Variants in PRKACB observed in about 807,000 individuals in gnomAD.
PRKACB encodes cAMP-dependent protein kinase catalytic subunit beta.
Under a neutral mutation model 51.4 loss-of-function variants are expected in PRKACB, and 16 were observed. That is an observed-to-expected ratio of 0.31 (90% confidence interval 0.21 to 0.47). The LOEUF (loss-of-function observed/expected upper bound fraction) is 0.47. PRKACB is among the 20% of genes least tolerant of loss of function. The pLI, the probability that PRKACB is intolerant of heterozygous loss-of-function variation, is 1.00. For missense variants in PRKACB, 309 were observed against 464.5 expected (o/e 0.67, Z 3.08); for synonymous variants, 147 against 154.4 (o/e 0.95, Z 0.35).
chr1:84,106,460 C>G (rs1016029963), intron 1 of PRKACB, among the ~76,000 whole-genome samples: 1 of 152,132 alleles, frequency 6.6e-6, no homozygotes, highest in Non-Finnish European at 1.5e-5. Context: ...TATACACTAA[C>G]AGCACCCAAG....
rs1491567127 is a variant in PRKACB, at chr1:84,223,376, TTG to T, written c.1071+9061_1071+9062del. 1.6e-3 allele frequency among the ~76,000 whole-genome samples: 96 copies of T among 60,430 alleles called. 6 individuals are homozygous for T. The highest frequency in any genetic ancestry group is 6.6e-3 in the Middle Eastern group (1 of 152). The allele number at this position is 60,430 out of a possible 152,430, so 39.6% of individuals were successfully genotyped here. A position where few individuals can be genotyped will look rare whatever the true frequency, so the allele number is the denominator to read the frequency against. On this transcript the variant is annotated intron_variant, in intron 9 of 9. Transcript: ENST00000370685. The stretch of plus-strand genomic sequence containing the variant: ...TGTTTGGTTGTTTTTTTTTGTTTTT[TTG>T]TTTTTTTTGAAATGGTGTCTCGCTC...
intron 3 of PRKACB, among the ~76,000 whole-genome samples, 170 bp from the exon 4 acceptor site, chr1:84,183,867 C>T (rs1341444716): frequency 6.6e-6 from 1 of 151,650 alleles, no homozygotes; most frequent in Non-Finnish European, 1.5e-5. Flanking sequence ...TGGCAAAAAC[C>T]GCAATTACTT....
At chr1:84,216,596 T>G (rs1672919194) in intron 9 of PRKACB, among the ~76,000 whole-genome samples, 1 of 152,136 alleles carries the variant, frequency 6.6e-6, no homozygotes, top group Non-Finnish European at 1.5e-5. Flanking sequence ...AAACTTTATT[T>G]TTTATATTTT....
intron 1 of PRKACB, among the ~76,000 whole-genome samples, chr1:84,105,972 A>G (rs1434456549): frequency 2.9e-5 from 4 of 139,084 alleles, no homozygotes; most frequent in Non-Finnish European, 6.4e-5. Context: ...TTGAATCAAC[A>G]AAACAATAAT....
intron 8 of PRKACB, chr1:84,204,404 G>A: frequency 9.0e-7 from 1 of 1,107,922 alleles, no homozygotes; most frequent in Non-Finnish European, 1.4e-6. Flanking sequence ...ACAAGTATCA[G>A]TATCACTGCT....
intron 1 of PRKACB, among the ~76,000 whole-genome samples, chr1:84,165,616 C>T (rs1260227475): frequency 6.6e-6 from 1 of 151,610 alleles, no homozygotes; most frequent in Non-Finnish European, 1.5e-5. Flanking sequence ...AATAAGTACA[C>T]TTGTGACAAC....
At position 84,204,711 on chromosome 1, in the gene PRKACB, G is replaced by C; in HGVS notation, c.906+1906G>C. On this transcript the variant is annotated intron_variant, in intron 8 of 9. Transcript: ENST00000370685. ...ATTGTTTCAAATCATTTAATTGACAGTAATTATAAAGTTCTTGAATCTTTA... is the reference window on the plus strand; with the variant it reads ...ATTGTTTCAAATCATTTAATTGACACTAATTATAAAGTTCTTGAATCTTTA... The C allele has an allele frequency of 2.1e-6, 2 of 962,430 alleles. 1 individual carries two copies. 59.6% of individuals were successfully genotyped at this position (962,430 alleles called of 1,614,324 possible).
At position 84,214,167 on chromosome 1, in the gene PRKACB, C is replaced by A; in HGVS notation, c.921C>A (p.Ser307=). 1.2e-6 allele frequency: 2 copies of A among 1,610,384 alleles called. No individual in the cohort carries two copies. The highest frequency in any genetic ancestry group is 8.5e-7 in the Non-Finnish European group (1 of 1,178,672). ...KIVSGKVRFP[S]HFSSDLKDLL... Reference sequence around the variant, plus strand: ...TGTTTGTGTAGGTCCGATTCCCATCCCACTTCAGTTCAGATCTCAAGGACC... The same window carrying A: ...TGTTTGTGTAGGTCCGATTCCCATCACACTTCAGTTCAGATCTCAAGGACC... The change falls in exon 9 of 10, where the codon TCC becomes TCA. Residue 307 remains serine (S), a synonymous_variant. Transcript: ENST00000370685.
chr1:84,090,770 TTC>T (rs1171743604), intron 1 of PRKACB, among the ~76,000 whole-genome samples: 3 of 152,144 alleles, frequency 2.0e-5, no homozygotes, highest in African/African-American at 7.2e-5. Context: ...TTCAGCTGCA[TTC>T]TGTTTGTTAA....
intron 9 of PRKACB, among the ~76,000 whole-genome samples, chr1:84,232,590 G>T (rs376617003): frequency 6.6e-6 from 1 of 152,056 alleles, no homozygotes; most frequent in Non-Finnish European, 1.5e-5. Context: ...ATGAATCTGG[G>T]TGCTCCTGTA....
intron 7 of PRKACB, among the ~76,000 whole-genome samples, chr1:84,199,971 A>G (rs181451018): frequency 1.3e-5 from 2 of 152,046 alleles, no homozygotes. Context: ...TCAGGCTCCC[A>G]AGTAGCTGGG....
chr1:84,086,062 A>T lies in PRKACB; in HGVS notation c.46+7691A>T, dbSNP rs532298878. On this transcript the variant is annotated intron_variant, in intron 1 of 8. Transcript: ENST00000370688. ...AGATGGTGGTCAAGCAGCATAGGAAAGTGCTGATGGCCAAGGTGTATATTG... is the reference window on the plus strand; with the variant it reads ...AGATGGTGGTCAAGCAGCATAGGAATGTGCTGATGGCCAAGGTGTATATTG... 9.3e-6 allele frequency: 10 copies of T among 1,072,944 alleles called. No homozygotes were observed. In the East Asian group the frequency reaches 1.9e-4, roughly 20 times the overall value. 66.5% of individuals were successfully genotyped at this position (1,072,944 alleles called of 1,614,324 possible).
At chr1:84,136,228 T>A (rs956299076) in intron 1 of PRKACB, among the ~76,000 whole-genome samples, 3 of 151,948 alleles carry the variant, frequency 2.0e-5, no homozygotes, top group African/African-American at 7.2e-5. Context: ...AAAAATTGAA[T>A]CGATTATTTA....
chr1:84,151,738 G>C (rs1020274013), intron 1 of PRKACB, among the ~76,000 whole-genome samples: 1 of 152,194 alleles, frequency 6.6e-6, no homozygotes, highest in Non-Finnish European at 1.5e-5. Flanking sequence ...TTTATCAGGA[G>C]ATTGCAGCAA....
intron 1 of PRKACB, among the ~76,000 whole-genome samples, chr1:84,115,531 A>G (rs1232360718): frequency 4.0e-5 from 6 of 151,324 alleles, no homozygotes; most frequent in Non-Finnish European, 8.8e-5. Flanking sequence ...TAGTTTAATT[A>G]AGTTTCATTT....
In PRKACB at chr1:84,237,815, G is replaced by A. The variant is rs1676787925; in HGVS notation, c.*2510G>A. ...ATTGTGTAAGAAGGAGCCCTAGACT[G>A]AAAGTCAAGACATCTGAATTTCAGG... is the stretch of plus-strand genomic sequence containing the variant. On this transcript the variant is annotated 3_prime_UTR_variant, in exon 10 of 10. Transcript: ENST00000370685. 6.6e-6 allele frequency: 1 copy of A among 152,134 alleles called. No individual in the cohort carries two copies. The highest frequency in any genetic ancestry group is 1.5e-5 in the Non-Finnish European group (1 of 67,972). 9.4% of individuals were successfully genotyped at this position (152,134 alleles called of 1,614,324 possible). A position where few individuals can be genotyped will look rare whatever the true frequency, so the allele number is the denominator to read the frequency against.
rs574820682 is a variant in PRKACB, at chr1:84,175,485, A to G, written c.188-3692A>G. ...CCTAGTTTATCTTACACAGCAGTCAAAAATATCTAATAAATACATTTGTTA... is the reference window on the plus strand; with the variant it reads ...CCTAGTTTATCTTACACAGCAGTCAGAAATATCTAATAAATACATTTGTTA... On this transcript the variant is annotated intron_variant, in intron 1 of 9. Transcript: ENST00000370685. Among the ~76,000 whole-genome samples the G allele has an allele frequency of 3.9e-5, 6 of 151,916 alleles. No homozygotes were observed. The East Asian group carries it at 1.2e-3, about 29-fold the overall frequency.
intron 5 of PRKACB, among the ~76,000 whole-genome samples, chr1:84,194,702 G>A (rs912129404): frequency 5.3e-5 from 8 of 152,092 alleles, no homozygotes; most frequent in Admixed American, 2.6e-4. Flanking sequence ...CAGGCAGGTG[G>A]ATCACTTGAG....
At position 84,158,284 on chromosome 1, in the gene PRKACB, C is replaced by T. The variant is rs752324800; in HGVS notation, c.187+13736C>T. 3.9e-5 allele frequency among the ~76,000 whole-genome samples: 6 copies of T among 152,066 alleles called. No homozygotes were observed. In the South Asian group the frequency reaches 6.2e-4, roughly 16 times the overall value. On this transcript the variant is annotated intron_variant, in intron 1 of 9. Transcript: ENST00000370685. ...AGCTCCTGACCTCAAGTGATCCGCC[C>T]GCCTCAGCCTCCCAAGTGCTGAGAT...
Sources: gnomAD v4.1 joint callset for allele counts (sites outside exome capture counted in the v4.1 genomes callset) on GRCh38, gnomAD v4.1.1 for gene constraint, MANE v1.5 for transcripts, NCBI Gene and HGNC (gene_info 2026-07-23, HGNC 2026-07-21) for gene names.